Variants in MYO10 observed in about 807,000 individuals in gnomAD.
MYO10 encodes unconventional myosin-X.
MYO10 carries 133 observed loss-of-function variants against 257.3 expected under a neutral mutation model. That is an observed-to-expected ratio of 0.52 (90% CI 0.45 to 0.60). The LOEUF is 0.60. MYO10 is among the 20% of genes least tolerant of loss of function. The pLI is 0.00. For missense variants in MYO10, 2,399 were observed against 2,635.7 expected, an observed-to-expected ratio of 0.91 and a Z score of 1.97; for synonymous variants, 1,104 against 1,028.6, an observed-to-expected ratio of 1.07 and a Z score of -1.40.
At chr5:16,717,644 C>T (rs1561206247) in intron 19 of MYO10, among the ~76,000 whole-genome samples, 1 of 152,266 alleles carries the variant, frequency 6.6e-6, no homozygotes, top group Non-Finnish European at 1.5e-5. Context: ...ACTCTGGCTA[C>T]TCCCATAAAC....
At chr5:16,769,299 G>C in intron 9 of MYO10, 96 bp from the exon 10 acceptor site, 10 of 1,326,076 alleles carry the variant, frequency 7.5e-6, no homozygotes, top group Non-Finnish European at 8.9e-6. Flanking sequence ...AGGTGTTATT[G>C]AAAAGGCAAA....
chr5:16,884,018 A>AT (rs1247999810), intron 1 of MYO10, among the ~76,000 whole-genome samples: 1 of 152,114 alleles, frequency 6.6e-6, no homozygotes, highest in Non-Finnish European at 1.5e-5. Context: ...TATGTTAAGT[A>AT]CCTCAGTTCA....
At chr5:16,829,630 A>T (rs1190795254) in intron 2 of MYO10, among the ~76,000 whole-genome samples, 2 of 152,156 alleles carry the variant, frequency 1.3e-5, no homozygotes, top group Admixed American at 1.3e-4. Context: ...CCTTTCTGAC[A>T]GCGCCGCAGG....
chr5:16,749,054 C>T (rs1740303042), intron 19 of MYO10, among the ~76,000 whole-genome samples: 1 of 152,178 alleles, frequency 6.6e-6, no homozygotes, highest in South Asian at 2.1e-4. Flanking sequence ...CCTAACTCCA[C>T]TCCACGTCTC....
rs202213331 is a variant in MYO10 at position 16,694,498 on chromosome 5, C to G, written c.3673G>C (p.Gly1225Arg). 40 of 1,613,924 alleles carry G rather than the reference C, an allele frequency of 2.5e-5. No homozygotes were observed. In the African/African-American group the frequency reaches 3.7e-4, roughly 15 times the overall value. ...KQGWLHKKGG[G>R]SSTLSRRNWK... ...TTTCTCCTGGACAGCGTGGAGGAGC[C>G]CCCCCCTTTTTTGTGGAGCCAGCCT... is the stretch of plus-strand genomic sequence containing the variant. The change falls in exon 27 of 41, where the codon GGC becomes CGC. Residue 1225 changes from glycine to arginine, a missense_variant. By Grantham distance (125) the Gly-to-Arg change is moderately radical. Around this residue, in one of 3 missense-constraint regions of MYO10, gnomAD observed 1,820 missense variants for 1,939.4 expected, o/e 0.94. Transcript: ENST00000513610.
At position 16,670,601 on chromosome 5, in the gene MYO10, C is replaced by T. The variant is rs1736402954; in HGVS notation, c.5808G>A (p.Gln1936=). The change falls in exon 39 of 41, where the codon CAG becomes CAA. Residue 1936 remains glutamine, a synonymous_variant. Transcript: ENST00000513610. ...CCATGTACTTGGCCATGGCCTGTTC[C>T]TGGTTCATTCCCTGAAATTTCCTCC... The part of the protein sequence containing the change: ...DKWRKFQGMN[Q]EQAMAKYMAL... The T allele has an allele frequency of 1.2e-6, 2 of 1,613,916 alleles. No homozygotes were observed. The highest frequency in any genetic ancestry group is 2.7e-5 in the African/African-American group (2 of 74,944).
chr5:16,689,096 A>C (rs545468665), intron 28 of MYO10, among the ~76,000 whole-genome samples: 7 of 152,182 alleles, frequency 4.6e-5, no homozygotes, highest in Admixed American at 1.3e-4. Flanking sequence ...AACAGAATTG[A>C]GGTTGCACTG....
At chr5:16,904,107 C>T (rs1745456425) in intron 1 of MYO10, among the ~76,000 whole-genome samples, 2 of 133,242 alleles carry the variant, frequency 1.5e-5, no homozygotes, top group African/African-American at 7.0e-5. Context: ...GACCAGTAAC[C>T]AGTGAAAGAA....
intron 3 of MYO10, among the ~76,000 whole-genome samples, chr5:16,817,764 C>G (rs1370957379): frequency 6.6e-6 from 1 of 152,200 alleles, no homozygotes; most frequent in Non-Finnish European, 1.5e-5. Context: ...GCAGCAAGGT[C>G]AAACTACCTC....
Position 16,701,240 on chromosome 5 carries a change from A to C in MYO10, c.3155T>G (p.Leu1052Arg), listed in dbSNP as rs779887187. ...PTSPSADSTV[L>R]LAPSVQDSGS... ...GGAGTCCTGCACTGATGGGGCGAGC[A>C]GCACCGTGCTGTCCGCACTGGGGCT... Residue 1052 changes from leucine (L) to arginine (R), a missense_variant, in exon 25 of 41, where the codon CTG becomes CGG. By Grantham distance (102) the Leu-to-Arg change is moderately radical. This residue lies in a region of MYO10 where 1,820 missense variants were observed against 1,939.4 expected (regional missense o/e 0.94). Coordinates refer to ENST00000513610, the MANE Select transcript of MYO10 (RefSeq NM_012334.3). The surrounding 1 kb of genome is among the most constrained non-coding windows in gnomAD (Gnocchi z 8.1). 6.2e-7 allele frequency: 1 copy of C among 1,613,184 alleles called. No homozygotes were observed. The highest frequency in any genetic ancestry group is 8.5e-7 in the Non-Finnish European group (1 of 1,179,640).
At chr5:16,678,071 A>G (rs1000250227) in intron 33 of MYO10, among the ~76,000 whole-genome samples, 2 of 152,324 alleles carry the variant, frequency 1.3e-5, no homozygotes, top group East Asian at 3.9e-4. Context: ...GAAAAATCCT[A>G]TGTACTCTTT....
chr5:16,715,930 C>A (rs1486289472), intron 19 of MYO10, among the ~76,000 whole-genome samples: 1 of 151,904 alleles, frequency 6.6e-6, no homozygotes, highest in South Asian at 2.1e-4. Context: ...GTGGCATGTG[C>A]CTGTAGTCCC....
intron 29 of MYO10, among the ~76,000 whole-genome samples, chr5:16,685,364 C>T (rs1231887031): frequency 6.6e-6 from 1 of 151,984 alleles, no homozygotes; most frequent in Non-Finnish European, 1.5e-5. Flanking sequence ...GCCCATAATA[C>T]CATGCCTGGA....
At chr5:16,679,307 C>T (rs561466127) in intron 33 of MYO10, among the ~76,000 whole-genome samples, 18 of 152,282 alleles carry the variant, frequency 1.2e-4, no homozygotes, top group African/African-American at 2.4e-4. Context: ...TGGTCCCCCA[C>T]GCAGGTCACC....
At chr5:16,711,465 G>A (rs902268979) in intron 19 of MYO10, among the ~76,000 whole-genome samples, 2 of 152,102 alleles carry the variant, frequency 1.3e-5, no homozygotes, top group African/African-American at 2.4e-5. Flanking sequence ...CCATCCACAA[G>A]CTACTTCCTC....
intron 1 of MYO10, among the ~76,000 whole-genome samples, chr5:16,935,527 C>G (rs1746414024): frequency 6.6e-6 from 1 of 152,078 alleles, no homozygotes; most frequent in Non-Finnish European, 1.5e-5. Context: ...CAGGGCGCCC[C>G]GAGAGCCAGC....
intron 18 of MYO10, among the ~76,000 whole-genome samples, chr5:16,755,461 G>A (rs961654784): frequency 7.2e-5 from 11 of 152,162 alleles, no homozygotes; most frequent in Non-Finnish European, 1.0e-4. Flanking sequence ...CACCGCGCCC[G>A]GCCTGAAATA....
intron 2 of MYO10, among the ~76,000 whole-genome samples, chr5:16,855,588 AT>A (rs2126740391): frequency 6.6e-6 from 1 of 152,360 alleles, no homozygotes; most frequent in South Asian, 2.1e-4. Context: ...AATTAGGTTA[AT>A]CGGACAGGAT....
chr5:16,896,628 G>C (rs1745226186), intron 1 of MYO10, among the ~76,000 whole-genome samples: 1 of 152,108 alleles, frequency 6.6e-6, no homozygotes, highest in Admixed American at 6.6e-5. Flanking sequence ...AAATGGTCTA[G>C]AAAGGAGGCT....
Sources: allele counts gnomAD v4.1 joint callset (sites outside exome capture counted in the v4.1 genomes callset), GRCh38; gene constraint gnomAD v4.1.1; regional missense constraint gnomAD v4.1.1; non-coding constraint Gnocchi (gnomAD v3.1); transcripts MANE v1.5; gene names NCBI Gene and HGNC (gene_info 2026-07-23, HGNC 2026-07-21).